NENF: variants seen among roughly 807,000 people sequenced by gnomAD.
NENF encodes neudesin.
Under a neutral mutation model 14.8 loss-of-function variants are expected in NENF, and 6 were observed. That is an observed-to-expected ratio of 0.40 (90% CI 0.22 to 0.80). The LOEUF is 0.80. Among genes scored for constraint, NENF ranks in the 30% least tolerant of loss-of-function variants. NENF has a pLI of 0.34. For synonymous variants in NENF, 76 were observed against 95.1 expected, an observed-to-expected ratio of 0.80 and a Z score of 1.17; for missense variants, 184 against 212.7, an observed-to-expected ratio of 0.87 and a Z score of 0.84.
At chr1:212,445,708 G>T in intron 3 of NENF, 122 bp from the exon 4 acceptor site, 2 of 676,566 alleles carry the variant, frequency 3.0e-6, no homozygotes, top group Non-Finnish European at 4.5e-6. Flanking sequence ...TATTTGGTTT[G>T]TTGAGATATC....
intron 3 of NENF, among the ~76,000 whole-genome samples, chr1:212,444,760 A>G (rs1662754169): frequency 6.6e-6 from 1 of 152,030 alleles, no homozygotes; most frequent in African/African-American, 2.4e-5. Flanking sequence ...GATCATCACA[A>G]TTTGGCCCCA....
chr1:212,436,537 T>A (rs1161298997), intron 1 of NENF, among the ~76,000 whole-genome samples: 1 of 152,134 alleles, frequency 6.6e-6, no homozygotes, highest in East Asian at 1.9e-4. Flanking sequence ...CTTGGACTCC[T>A]GACCTCGTGA....
In NENF at chr1:212,433,251, G is replaced by A; in HGVS notation, c.177+131G>A. 1 of 430,690 alleles carries A rather than the reference G, an allele frequency of 2.3e-6. No homozygotes were observed. Among genetic ancestry groups the A allele is most frequent in the Non-Finnish European group, 3.5e-6 (1 of 285,468 alleles). The allele number at this position is 430,690 out of a possible 1,614,324, so 26.7% of individuals were successfully genotyped here. ...GCGCGGCCCGCGGCGGGCGCCCTGG[G>A]CCGGCGGGGGGCCTCCTCTCTCTAG... On this transcript the variant is annotated intron_variant, in intron 1 of 3. Coordinates refer to ENST00000366988, the MANE Select transcript of NENF (RefSeq NM_013349.5). This position sits in a 1 kb window ranked among gnomAD's most constrained non-coding sequence, Gnocchi z 5.5.
intron 2 of NENF, among the ~76,000 whole-genome samples, 159 bp from the exon 3 acceptor site, chr1:212,444,178 GGT>G (rs1571705272): frequency 6.6e-6 from 1 of 152,232 alleles, no homozygotes; most frequent in East Asian, 1.9e-4. Flanking sequence ...TGATGGCTGG[GGT>G]GGCTTACTGG....
chr1:212,435,810 GC>G (rs1471866520), intron 1 of NENF, among the ~76,000 whole-genome samples: 2 of 152,078 alleles, frequency 1.3e-5, no homozygotes, highest in African/African-American at 2.4e-5. Flanking sequence ...TTCCCAAAGT[GC>G]TGGGAATACA....
At chr1:212,437,702 C>A (rs1309200735) in intron 1 of NENF, among the ~76,000 whole-genome samples, 3 of 152,142 alleles carry the variant, frequency 2.0e-5, no homozygotes, top group Non-Finnish European at 2.9e-5. Context: ...CTGTCAGTGT[C>A]TTTCACAGAG....
At chr1:212,434,755 A>AAGGAAAG (rs1178989970) in intron 1 of NENF, 1 of 152,258 alleles carries the variant, frequency 6.6e-6, no homozygotes, top group Non-Finnish European at 1.5e-5. Flanking sequence ...ACAAGAATCT[A>AAGGAAAG]AGGAAAGAGA....
At chr1:212,437,645 C>T (rs1453795919) in intron 1 of NENF, among the ~76,000 whole-genome samples, 3 of 152,148 alleles carry the variant, frequency 2.0e-5, no homozygotes, top group East Asian at 3.8e-4. Flanking sequence ...CGTAGTTTCT[C>T]CAGTGGCAGC....
In NENF at chr1:212,433,087, CGAG is replaced by C. The variant is rs1662544962; in HGVS notation, c.151_153del (p.Glu51del). ...GGGGGCCCCCAGTGCGGCTTTTCAC[CGAG>C]GAGGAGCTGGCCCGCTATGGCGGGG... On this transcript the variant is annotated inframe_deletion, in exon 1 of 4. Coordinates refer to ENST00000366988, the MANE Select transcript of NENF (RefSeq NM_013349.5). This position sits in a 1 kb window ranked among gnomAD's most constrained non-coding sequence, Gnocchi z 5.5. The C allele has an allele frequency of 8.4e-7, 1 of 1,197,330 alleles. No homozygotes were observed. Among genetic ancestry groups the C allele is most frequent in the Non-Finnish European group, 1.0e-6 (1 of 965,368 alleles). 74.2% of individuals were successfully genotyped at this position (1,197,330 alleles called of 1,614,324 possible). A position where few individuals can be genotyped will look rare whatever the true frequency, so the allele number is the denominator to read the frequency against.
chr1:212,440,987 G>T (rs758423646), intron 1 of NENF, among the ~76,000 whole-genome samples: 3 of 152,148 alleles, frequency 2.0e-5, no homozygotes, highest in Non-Finnish European at 4.4e-5. Flanking sequence ...GAGAGATCTT[G>T]TCTTGGGTGT....
In NENF at chr1:212,433,941, A is replaced by G. The variant is rs560554968; in HGVS notation, c.177+821A>G. ...AGTATTTCAGAGCTGGCAGGAACCC[A>G]TCTCCTGCTTTTACACATAAGGAAA... is the stretch of plus-strand genomic sequence containing the variant. On this transcript the variant is annotated intron_variant, in intron 1 of 3. Coordinates refer to ENST00000366988, the MANE Select transcript of NENF (RefSeq NM_013349.5). This position sits in a 1 kb window ranked among gnomAD's most constrained non-coding sequence, Gnocchi z 5.5. Among the ~76,000 whole-genome samples, 4 of 152,262 alleles carry G rather than the reference A, an allele frequency of 2.6e-5. No homozygotes were observed. The East Asian group carries it at 7.7e-4, about 29-fold the overall frequency.
chr1:212,445,235 A>G (rs1046429751), intron 3 of NENF, among the ~76,000 whole-genome samples: 2 of 151,576 alleles, frequency 1.3e-5, no homozygotes, highest in African/African-American at 2.4e-5. Flanking sequence ...AGCCTGGGCA[A>G]CAGAGTGAGA....
intron 2 of NENF, among the ~76,000 whole-genome samples, chr1:212,443,495 C>T (rs145531547): frequency 0.013 from 2,040 of 152,028 alleles, 20 homozygotes; most frequent in Middle Eastern, 0.02. Flanking sequence ...CAGGTTCAAA[C>T]GATTCTCCTG....
In NENF at chr1:212,433,737, T is replaced by C. The variant is rs928599022; in HGVS notation, c.177+617T>C. Among the ~76,000 whole-genome samples the C allele has an allele frequency of 6.7e-6, 1 of 149,716 alleles. No homozygotes were observed. Among genetic ancestry groups the C allele is most frequent in the Non-Finnish European group, 1.5e-5 (1 of 67,284 alleles). ...CCACAACCCCCCCGCCACACGTCAA[T>C]AGAGACCCCCCCGCCCACACACACC... On this transcript the variant is annotated intron_variant, in intron 1 of 3. Transcript: ENST00000366988. This position sits in a 1 kb window ranked among gnomAD's most constrained non-coding sequence, Gnocchi z 5.5.
At position 212,435,478 on chromosome 1, in the gene NENF, C is replaced by T. The variant is rs1249590905; in HGVS notation, c.177+2358C>T. Among the ~76,000 whole-genome samples the T allele has an allele frequency of 4.6e-5, 7 of 151,868 alleles. No homozygotes were observed. In the East Asian group the frequency reaches 5.8e-4, roughly 13 times the overall value. ...ATCCTCCTGCCGCAGCCTCCCAAGCCGCTAGTATTACAGGTGTGCACCCAG... is the reference window on the plus strand; with the variant it reads ...ATCCTCCTGCCGCAGCCTCCCAAGCTGCTAGTATTACAGGTGTGCACCCAG... On this transcript the variant is annotated intron_variant, in intron 1 of 3. Transcript: ENST00000366988.
In NENF at chr1:212,433,900, G is replaced by A. The variant is rs1476593852; in HGVS notation, c.177+780G>A. Among the ~76,000 whole-genome samples the A allele has an allele frequency of 2.0e-5, 3 of 152,148 alleles. No individual in the cohort carries two copies. Among genetic ancestry groups the A allele is most frequent in the African/African-American group, 7.2e-5 (3 of 41,432 alleles). The stretch of plus-strand genomic sequence containing the variant: ...TGGAGCGGGGGAACGGCATTGGGGG[G>A]AGGTCATAGTACCATAGTATTTCAG... On this transcript the variant is annotated intron_variant, in intron 1 of 3. Transcript: ENST00000366988. This position sits in a 1 kb window ranked among gnomAD's most constrained non-coding sequence, Gnocchi z 5.5.
rs769719179 is a variant in NENF, at chr1:212,445,812, TGG to T, written c.343-16_343-15del. 6.2e-7 allele frequency: 1 copy of T among 1,613,434 alleles called. No homozygotes were observed. The highest frequency in any genetic ancestry group is 2.2e-5 in the East Asian group (1 of 44,862). On this transcript the variant is annotated splice_polypyrimidine_tract_variant and intron_variant, in intron 3 of 3. Transcript: ENST00000366988. Reference sequence around the variant, plus strand: ...ACTTAACCCCATCTCCTGTCTTTCTTGGGCTTTTCTCCCCAAGACGGGTCTCA... The same window carrying T: ...ACTTAACCCCATCTCCTGTCTTTCTTGCTTTTCTCCCCAAGACGGGTCTCA...
At chr1:212,441,641 C>T (rs900857015) in intron 1 of NENF, among the ~76,000 whole-genome samples, 6 of 152,082 alleles carry the variant, frequency 3.9e-5, no homozygotes, top group South Asian at 2.1e-4. Flanking sequence ...AAAAAATTAG[C>T]GGGGCGTGGT....
chr1:212,442,318 T>A lies in NENF; in HGVS notation c.178-247T>A, dbSNP rs867094635. Among the ~76,000 whole-genome samples the A allele has an allele frequency of 2.6e-5, 4 of 152,362 alleles. No individual in the cohort carries two copies. The South Asian group carries it at 6.2e-4, about 24-fold the overall frequency. On this transcript the variant is annotated intron_variant, in intron 1 of 3. Coordinates refer to ENST00000366988, the MANE Select transcript of NENF (RefSeq NM_013349.5). ...TGAGTCACTGTGCCTGGCCCCTGATTTTCTCTATAAAGGAGAGAATTGCCA... is the reference window on the plus strand; with the variant it reads ...TGAGTCACTGTGCCTGGCCCCTGATATTCTCTATAAAGGAGAGAATTGCCA...
Sources: allele counts gnomAD v4.1 joint callset (sites outside exome capture counted in the v4.1 genomes callset), GRCh38; gene constraint gnomAD v4.1.1; non-coding constraint Gnocchi (gnomAD v3.1); transcripts MANE v1.5; gene names NCBI Gene and HGNC (gene_info 2026-07-23, HGNC 2026-07-21).